Variants in CXCL13 observed in about 807,000 individuals in gnomAD.
CXCL13 encodes C-X-C motif chemokine 13.
In CXCL13, 7 loss-of-function variants were observed where a neutral mutation model predicts 12.2. The ratio of observed to expected loss-of-function variants is 0.57; its 90% confidence interval spans 0.33 to 1.07. The LOEUF (loss-of-function observed/expected upper bound fraction) is 1.07. CXCL13 is among the 50% of genes least tolerant of loss of function. The pLI, the probability that CXCL13 is intolerant of heterozygous loss-of-function variation, is 0.04. For missense variants in CXCL13, 113 were observed against 127.4 expected (o/e 0.89, Z 0.55); for synonymous variants, 47 against 42.4 (o/e 1.11, Z -0.42).
At chr4:77,534,224 A>G (rs1453998646) in intron 1 of CXCL13, among the ~76,000 whole-genome samples, 1 of 152,204 alleles carries the variant, frequency 6.6e-6, no homozygotes, top group Non-Finnish European at 1.5e-5. Flanking sequence ...CAACTACCAT[A>G]TGACCTAGCA....
chr4:77,547,117 A>G (rs997828939), intron 1 of CXCL13, among the ~76,000 whole-genome samples: 1 of 152,116 alleles, frequency 6.6e-6, no homozygotes, highest in Non-Finnish European at 1.5e-5. Context: ...GTTTGTTGTG[A>G]TTGCTGTTCT....
chr4:77,532,271 G>A (rs952275075), intron 1 of CXCL13, among the ~76,000 whole-genome samples: 2 of 152,140 alleles, frequency 1.3e-5, no homozygotes, highest in African/African-American at 4.8e-5. Context: ...GCATTTGCTT[G>A]TCTGTAAAGT....
At chr4:77,580,203 C>T (rs988148925) in intron 1 of CXCL13, among the ~76,000 whole-genome samples, 1 of 147,210 alleles carries the variant, frequency 6.8e-6, no homozygotes, top group Non-Finnish European at 1.5e-5. Flanking sequence ...GCCATGCAAT[C>T]TATGCATGTA....
intron 1 of CXCL13, among the ~76,000 whole-genome samples, chr4:77,552,610 G>A (rs1387880800): frequency 6.6e-6 from 1 of 152,252 alleles, no homozygotes; most frequent in African/African-American, 2.4e-5. Flanking sequence ...GCTGGACCAG[G>A]CAGGTCTGGA....
chr4:77,549,821 G>A (rs1725462567), intron 1 of CXCL13, among the ~76,000 whole-genome samples: 2 of 152,234 alleles, frequency 1.3e-5, no homozygotes, highest in Non-Finnish European at 2.9e-5. Flanking sequence ...GAGGCAGTCT[G>A]TCTGTTCTCA....
intron 1 of CXCL13, among the ~76,000 whole-genome samples, chr4:77,514,193 T>A (rs1179785376): frequency 7.2e-5 from 11 of 152,134 alleles, no homozygotes; most frequent in African/African-American, 2.7e-4. Context: ...ATTTTCTTAA[T>A]CCAGTCTGTC....
At chr4:77,592,070 C>T (rs1266923156) in intron 1 of CXCL13, among the ~76,000 whole-genome samples, 2 of 152,196 alleles carry the variant, frequency 1.3e-5, no homozygotes, top group Non-Finnish European at 2.9e-5. Flanking sequence ...CATGATCCAG[C>T]AATCCCACTT....
chr4:77,576,850 C>T (rs1041477834), intron 1 of CXCL13, among the ~76,000 whole-genome samples: 2 of 152,138 alleles, frequency 1.3e-5, no homozygotes, highest in African/African-American at 4.8e-5. Context: ...ACAACTCCGT[C>T]CTATCATGAT....
intron 1 of CXCL13, among the ~76,000 whole-genome samples, chr4:77,560,094 T>A (rs1725770674): frequency 6.6e-6 from 1 of 152,160 alleles, no homozygotes; most frequent in Non-Finnish European, 1.5e-5. Context: ...TTGTTTTGGA[T>A]ATGTTAATAC....
At chr4:77,521,843 C>T (rs772954488) in intron 1 of CXCL13, among the ~76,000 whole-genome samples, 2 of 152,040 alleles carry the variant, frequency 1.3e-5, no homozygotes, top group Non-Finnish European at 2.9e-5. Flanking sequence ...CTCTTGTGGG[C>T]ATTTAGTGCT....
At chr4:77,573,407 TGTG>T (rs1726138226) in intron 1 of CXCL13, among the ~76,000 whole-genome samples, 2 of 144,100 alleles carry the variant, frequency 1.4e-5, no homozygotes, top group East Asian at 4.0e-4. Flanking sequence ...TGTGTGTGTG[TGTG>T]TATGTCTAAA....
intron 2 of CXCL13, among the ~76,000 whole-genome samples, chr4:77,610,067 A>G (rs1727108953): frequency 6.6e-6 from 1 of 152,236 alleles, no homozygotes; most frequent in African/African-American, 2.4e-5. Flanking sequence ...CTATTGCTTA[A>G]TATCTTAGAG....
At chr4:77,536,231 A>T (rs1406082248) in intron 1 of CXCL13, among the ~76,000 whole-genome samples, 2 of 152,204 alleles carry the variant, frequency 1.3e-5, no homozygotes, top group Non-Finnish European at 2.9e-5. Flanking sequence ...TTCATTGACG[A>T]TGTAAAGTAG....
chr4:77,532,309 T>A (rs1292822268), intron 1 of CXCL13, among the ~76,000 whole-genome samples: 1 of 152,218 alleles, frequency 6.6e-6, no homozygotes, highest in Non-Finnish European at 1.5e-5. Context: ...CTTATGAAGC[T>A]TAGTTTGGCT....
chr4:77,514,974 G>A lies in CXCL13; in HGVS notation c.-43+3186G>A, dbSNP rs1270644993. Among the ~76,000 whole-genome samples the A allele has an allele frequency of 5.5e-3, 829 of 151,996 alleles. 8 individuals carry two copies. The highest frequency in any genetic ancestry group is 0.018 in the African/African-American group (727 of 41,462). On this transcript the variant is annotated intron_variant, in intron 1 of 4. Transcript: ENST00000286758. ...TTAAGTCTTTAATCCATCTTGAATTGATTTTTGTATAAGGTGTAAGGAAGG... is the reference window on the plus strand; with the variant it reads ...TTAAGTCTTTAATCCATCTTGAATTAATTTTTGTATAAGGTGTAAGGAAGG...
intron 1 of CXCL13, among the ~76,000 whole-genome samples, chr4:77,530,410 CT>C (rs1171028624): frequency 6.6e-6 from 1 of 152,018 alleles, no homozygotes; most frequent in African/African-American, 2.4e-5. Context: ...TGGTCCTGGA[CT>C]TTTTTTGGTT....
intron 1 of CXCL13, among the ~76,000 whole-genome samples, chr4:77,558,541 T>C (rs1195147903): frequency 6.6e-6 from 1 of 152,142 alleles, no homozygotes; most frequent in Non-Finnish European, 1.5e-5. Context: ...TTAGTAGAGA[T>C]GAGGTTTCAC....
At chr4:77,534,304 A>T (rs1422990331) in intron 1 of CXCL13, among the ~76,000 whole-genome samples, 4 of 152,216 alleles carry the variant, frequency 2.6e-5, no homozygotes, top group African/African-American at 9.6e-5. Context: ...GGATGTTTCT[A>T]ATAGCTTCAT....
At chr4:77,517,406 G>A (rs918624997) in intron 1 of CXCL13, among the ~76,000 whole-genome samples, 10 of 152,102 alleles carry the variant, frequency 6.6e-5, no homozygotes, top group African/African-American at 1.9e-4. Context: ...TGACAGTGGG[G>A]TGTTAAAGTC....
Sources: gnomAD v4.1 joint callset for allele counts (sites outside exome capture counted in the v4.1 genomes callset) on GRCh38, gnomAD v4.1.1 for gene constraint, MANE v1.5 for transcripts, NCBI Gene and HGNC (gene_info 2026-07-23, HGNC 2026-07-21) for gene names.